The following SEC63 variants were observed in gnomAD, a reference collection of about 807,000 sequenced individuals.
SEC63 encodes translocation protein SEC63 homolog.
Under a neutral mutation model 116.2 loss-of-function variants are expected in SEC63, and 56 were observed. The ratio of observed to expected loss-of-function variants is 0.48; its 90% CI spans 0.39 to 0.60. The LOEUF (loss-of-function observed/expected upper bound fraction) is 0.60, where lower values mean the gene tolerates loss of function less well. SEC63 is among the 20% of genes least tolerant of loss of function. The probability of loss-of-function intolerance (pLI) is 0.00; values close to 1 mark genes in which losing one functional copy is unlikely to be tolerated. For synonymous variants in SEC63, 273 were observed against 294.6 expected (o/e 0.93, Z 0.75); for missense variants, 668 against 900.0 (o/e 0.74, Z 3.30).
At chr6:107,940,111 A>C (rs2244924) in intron 1 of SEC63, among the ~76,000 whole-genome samples, 112,691 of 151,916 alleles carry the variant, frequency 0.74, 41,975 homozygotes, top group Middle Eastern at 0.86. Flanking sequence ...TCCTACTTAC[A>C]CCTATCCACT....
At chr6:107,911,892 C>T (rs1787292592) in intron 6 of SEC63, among the ~76,000 whole-genome samples, 1 of 152,114 alleles carries the variant, frequency 6.6e-6, no homozygotes, top group Admixed American at 6.6e-5. Flanking sequence ...ATCAAGGAGT[C>T]ACTTCATAAT....
chr6:107,874,993 G>A (rs1786228392), intron 19 of SEC63, among the ~76,000 whole-genome samples: 2 of 152,278 alleles, frequency 1.3e-5, no homozygotes, highest in South Asian at 2.1e-4. Context: ...TATAATCATT[G>A]TAGTAGGCCT....
At chr6:107,933,551 T>A (rs1298838482) in intron 1 of SEC63, among the ~76,000 whole-genome samples, 1 of 152,182 alleles carries the variant, frequency 6.6e-6, no homozygotes. Context: ...GAGAAAACAC[T>A]GTACAACCCA....
chr6:107,893,377 G>T, intron 16 of SEC63, 105 bp downstream of exon 16: 1 of 1,085,816 alleles, frequency 9.2e-7, no homozygotes, highest in Non-Finnish European at 1.4e-6. Context: ...GGTATCACGG[G>T]TGCATAAATT....
intron 7 of SEC63, 28 bp from the exon 8 acceptor site, chr6:107,909,063 A>C: frequency 6.7e-7 from 1 of 1,494,392 alleles, no homozygotes; most frequent in Non-Finnish European, 9.3e-7. Flanking sequence ...TTAAACAAGA[A>C]AGAAAGTATA....
At chr6:107,937,091 C>T (rs1302580641) in intron 1 of SEC63, among the ~76,000 whole-genome samples, 1 of 148,672 alleles carries the variant, frequency 6.7e-6, no homozygotes, top group Non-Finnish European at 1.5e-5. Flanking sequence ...TTTTTAATGG[C>T]TGTGTAGTAT....
chr6:107,947,198 G>A (rs955541543), intron 1 of SEC63, among the ~76,000 whole-genome samples: 5 of 152,238 alleles, frequency 3.3e-5, no homozygotes, highest in African/African-American at 9.6e-5. Context: ...CTTGGAGGCT[G>A]TGGTGGGAGG....
intron 1 of SEC63, among the ~76,000 whole-genome samples, chr6:107,943,743 A>G (rs1770423794): frequency 6.6e-6 from 1 of 152,186 alleles, no homozygotes; most frequent in African/African-American, 2.4e-5. Context: ...TAAAAGACTG[A>G]AAGAGTGTGT....
intron 4 of SEC63, among the ~76,000 whole-genome samples, chr6:107,918,285 A>G (rs1787461895): frequency 6.6e-6 from 1 of 152,132 alleles, no homozygotes; most frequent in South Asian, 2.1e-4. Context: ...ATTACTGCTC[A>G]TTGACAACGC....
At chr6:107,922,012 C>G (rs1036042858) in intron 3 of SEC63, 103 bp from the exon 4 acceptor site, 8 of 685,794 alleles carry the variant, frequency 1.2e-5, no homozygotes, top group Non-Finnish European at 1.8e-5. Flanking sequence ...ATATGAACTA[C>G]TCAGTATTTT....
chr6:107,928,010 G>A (rs2114485694), intron 2 of SEC63, among the ~76,000 whole-genome samples: 1 of 152,222 alleles, frequency 6.6e-6, no homozygotes, highest in East Asian at 1.9e-4. Flanking sequence ...ATGGGGGGGA[G>A]GGGCGGATTG....
chr6:107,906,425 G>A (rs1787149948), intron 10 of SEC63, 23 bp downstream of exon 10: 1 of 1,613,158 alleles, frequency 6.2e-7, no homozygotes, highest in East Asian at 2.2e-5. Context: ...CTAAACCTCT[G>A]TAGATACCGG....
At chr6:107,909,581 T>C (rs1787229338) in intron 7 of SEC63, among the ~76,000 whole-genome samples, 1 of 152,162 alleles carries the variant, frequency 6.6e-6, no homozygotes, top group Non-Finnish European at 1.5e-5. Flanking sequence ...AGTCACTGCA[T>C]ATATATAATC....
intron 1 of SEC63, among the ~76,000 whole-genome samples, chr6:107,955,128 A>T (rs1217316915): frequency 1.3e-5 from 2 of 152,320 alleles, no homozygotes; most frequent in East Asian, 3.9e-4. Context: ...TCAACCATAC[A>T]GGAAAATTAC....
At chr6:107,912,925 C>A in intron 5 of SEC63, 151 bp from the exon 6 acceptor site, 1 of 689,388 alleles carries the variant, frequency 1.5e-6, no homozygotes, top group South Asian at 1.8e-5. Context: ...TAGTAGGCCC[C>A]CATTACACAA....
intron 19 of SEC63, among the ~76,000 whole-genome samples, chr6:107,875,911 A>G (rs1181350858): frequency 2.0e-5 from 3 of 152,196 alleles, no homozygotes; most frequent in Non-Finnish European, 4.4e-5. Context: ...ACCTCTATAA[A>G]TTTATTATTA....
chr6:107,876,099 T>G (rs1267148094), intron 19 of SEC63, among the ~76,000 whole-genome samples: 3 of 152,182 alleles, frequency 2.0e-5, no homozygotes, highest in Non-Finnish European at 2.9e-5. Flanking sequence ...AAAAATGCAG[T>G]TCCCAAGGGT....
intron 12 of SEC63, among the ~76,000 whole-genome samples, chr6:107,902,103 A>C (rs1216706223): frequency 6.6e-6 from 1 of 152,138 alleles, no homozygotes; most frequent in Admixed American, 6.5e-5. Context: ...TCACTTTCAA[A>C]GACACAGATT....
chr6:107,931,630 T>A (rs1416684421), intron 1 of SEC63, among the ~76,000 whole-genome samples: 1 of 151,242 alleles, frequency 6.6e-6, no homozygotes, highest in Non-Finnish European at 1.5e-5. Context: ...GTGCCTGTAG[T>A]CCCAGCTACT....
Sources: gnomAD v4.1 joint callset for allele counts (sites outside exome capture counted in the v4.1 genomes callset) on GRCh38, gnomAD v4.1.1 for gene constraint, MANE v1.5 for transcripts, NCBI Gene and HGNC (gene_info 2026-07-23, HGNC 2026-07-21) for gene names.